ZFHX3: variants seen among roughly 807,000 people sequenced by gnomAD.
The protein encoded by ZFHX3 is zinc finger homeobox 3.
Under a neutral mutation model 279.1 loss-of-function variants are expected in ZFHX3, and 42 were observed. The ratio of observed to expected loss-of-function variants is 0.15; its 90% confidence interval spans 0.12 to 0.19. The LOEUF (loss-of-function observed/expected upper bound fraction) is 0.19, where lower values mean the gene tolerates loss of function less well. Ranked by LOEUF, ZFHX3 falls within the 10% of genes least tolerant of loss-of-function variation. The pLI is 1.00. For synonymous variants in ZFHX3, 2,293 were observed against 1,957.8 expected (o/e 1.17, Z -4.52); for missense variants, 4,981 against 4,754.0 (o/e 1.05, Z -1.40).
chr16:73,180,165 T>C (rs1400076280), intron 5 of ZFHX3, among the ~76,000 whole-genome samples: 1 of 152,172 alleles, frequency 6.6e-6, no homozygotes, highest in Non-Finnish European at 1.5e-5. Context: ...GTCGTTCCTG[T>C]TTCCAGCCAA....
At chr16:73,550,524 T>G (rs547063837) in intron 2 of ZFHX3, among the ~76,000 whole-genome samples, 4 of 152,160 alleles carry the variant, frequency 2.6e-5, no homozygotes, top group Non-Finnish European at 5.9e-5. Context: ...CTAAAACTAG[T>G]TTTAATGTTC....
intron 1 of ZFHX3, among the ~76,000 whole-genome samples, chr16:72,992,539 G>C (rs535988685): frequency 3.2e-4 from 48 of 152,146 alleles, no homozygotes; most frequent in African/African-American, 9.9e-4. Context: ...AATTCCCTAG[G>C]GGGGTGCCTC....
At chr16:73,281,073 AG>A (rs1256354330) in intron 4 of ZFHX3, among the ~76,000 whole-genome samples, 2 of 151,654 alleles carry the variant, frequency 1.3e-5, no homozygotes, top group African/African-American at 4.8e-5. Flanking sequence ...ATAGTATAAA[AG>A]TTTCTCCAAA....
chr16:73,511,015 C>G (rs887674408), intron 2 of ZFHX3, among the ~76,000 whole-genome samples: 1 of 152,238 alleles, frequency 6.6e-6, no homozygotes. Context: ...GGATGTGCCT[C>G]ATACCTCTGG....
chr16:73,100,577 CTTTTTTTTTTT>C (rs368465486), intron 7 of ZFHX3, among the ~76,000 whole-genome samples: 2 of 143,606 alleles, frequency 1.4e-5, no homozygotes, highest in Non-Finnish European at 3.1e-5. Flanking sequence ...GAATTCCCCT[CTTTTTTTTTTT>C]TTTGAGACGG....
chr16:72,950,577 G>C lies in ZFHX3; in HGVS notation c.3108C>G (p.Asn1036Lys), dbSNP rs770436857. ...EWRLKCVAIG[N>K]PVHLKCNACD... ...AGGCGTTGCACTTGAGGTGCACGGG[G>C]TTGCCGATGGCCACACACTTGAGCC... Residue 1036 changes from asparagine to lysine, a missense_variant, in exon 3 of 10, where the codon AAC (asparagine) becomes AAG (lysine). This residue lies in a region of ZFHX3 where 1,751 missense variants were observed against 1,770.0 expected (regional missense o/e 0.99). Transcript: ENST00000268489. The C allele has an allele frequency of 6.2e-7, 1 of 1,614,218 alleles. No individual in the cohort carries two copies. The highest frequency in any genetic ancestry group is 8.5e-7 in the Non-Finnish European group (1 of 1,180,044).
In ZFHX3 at chr16:73,407,167, A is replaced by G. The variant is rs376181297; in HGVS notation, c.-1291+48836T>C. Among the ~76,000 whole-genome samples, 8 of 152,340 alleles carry G rather than the reference A, an allele frequency of 5.3e-5. No homozygotes were observed. In the South Asian group the frequency reaches 6.2e-4, roughly 12 times the overall value. On this transcript the variant is annotated intron_variant, in intron 3 of 17. Coordinates refer to the ZFHX3 transcript ENST00000641206. ...TGCTGCTAAACATTCTACACTGCAC[A>G]GGACCTCCCTACCTCCAGCCACCAC...
intron 5 of ZFHX3, among the ~76,000 whole-genome samples, chr16:73,162,414 A>T (rs1967261278): frequency 6.6e-6 from 1 of 152,154 alleles, no homozygotes; most frequent in Non-Finnish European, 1.5e-5. Flanking sequence ...ACAAGTTCAG[A>T]GCTCCCACTG....
At chr16:73,408,236 CT>C (rs1341556940) in intron 3 of ZFHX3, among the ~76,000 whole-genome samples, 2 of 151,838 alleles carry the variant, frequency 1.3e-5, no homozygotes, top group Non-Finnish European at 2.9e-5. Flanking sequence ...AAAGAAAAGT[CT>C]ATTGTTGTGT....
intron 1 of ZFHX3, among the ~76,000 whole-genome samples, chr16:73,732,772 C>A (rs572161332): frequency 1.3e-5 from 2 of 152,186 alleles, no homozygotes; most frequent in Non-Finnish European, 2.9e-5. Context: ...GGGGCACTCA[C>A]TGATAAAATA....
At chr16:72,811,038 G>C (rs973401830) in intron 7 of ZFHX3, among the ~76,000 whole-genome samples, 2 of 152,080 alleles carry the variant, frequency 1.3e-5, no homozygotes, top group African/African-American at 4.8e-5. Flanking sequence ...ATGCACCACT[G>C]TGCCTTGCTA....
chr16:72,984,455 C>A (rs1392891333), intron 1 of ZFHX3, among the ~76,000 whole-genome samples: 1 of 151,972 alleles, frequency 6.6e-6, no homozygotes, highest in African/African-American at 2.4e-5. Flanking sequence ...AGTGCGACCT[C>A]GTCTCTATAA....
At chr16:73,086,616 T>C (rs1221115888) in intron 8 of ZFHX3, among the ~76,000 whole-genome samples, 1 of 152,100 alleles carries the variant, frequency 6.6e-6, no homozygotes, top group Non-Finnish European at 1.5e-5. Flanking sequence ...GTTCACAGTA[T>C]CTAGGGCCAG....
intron 1 of ZFHX3, among the ~76,000 whole-genome samples, chr16:73,735,382 T>C (rs755488513): frequency 6.8e-5 from 7 of 102,272 alleles, no homozygotes; most frequent in Non-Finnish European, 1.4e-4. Flanking sequence ...TGTGTGCTTC[T>C]AAAAAAAAAA....
chr16:73,301,693 T>C (rs1385424373), intron 4 of ZFHX3, among the ~76,000 whole-genome samples: 2 of 151,424 alleles, frequency 1.3e-5, no homozygotes, highest in Non-Finnish European at 2.9e-5. Flanking sequence ...AAGTCCCTCA[T>C]GGCTTAATGC....
At chr16:73,650,723 A>G (rs2052662486) in intron 2 of ZFHX3, among the ~76,000 whole-genome samples, 1 of 152,188 alleles carries the variant, frequency 6.6e-6, no homozygotes, top group South Asian at 2.1e-4. Context: ...AAGGTGACAA[A>G]TTCAATTTAG....
chr16:72,851,332 G>A (rs908143909), intron 4 of ZFHX3, among the ~76,000 whole-genome samples: 3 of 152,100 alleles, frequency 2.0e-5, no homozygotes, highest in Admixed American at 6.5e-5. Flanking sequence ...CTATGCAAAG[G>A]TCACCCAATG....
chr16:73,305,354 A>G (rs2015157207), intron 4 of ZFHX3, among the ~76,000 whole-genome samples: 1 of 152,204 alleles, frequency 6.6e-6, no homozygotes, highest in Non-Finnish European at 1.5e-5. Flanking sequence ...AAATCTGTTC[A>G]CAAACATCAG....
At chr16:73,757,359 C>T (rs193241233) in intron 1 of ZFHX3, among the ~76,000 whole-genome samples, 14 of 152,326 alleles carry the variant, frequency 9.2e-5, no homozygotes, top group Non-Finnish European at 1.2e-4. Flanking sequence ...AGGATCCCTT[C>T]GGCCTCCATA....
Sources: allele counts gnomAD v4.1 joint callset (sites outside exome capture counted in the v4.1 genomes callset), GRCh38; gene constraint gnomAD v4.1.1; regional missense constraint gnomAD v4.1.1; transcripts MANE v1.5; gene names NCBI Gene and HGNC (gene_info 2026-07-23, HGNC 2026-07-21).